TMEM178B: variants seen among roughly 807,000 people sequenced by gnomAD.
TMEM178B encodes the protein transmembrane protein 178B.
In TMEM178B, 5 loss-of-function variants were observed where a neutral mutation model predicts 31.0. That is an observed-to-expected ratio of 0.16 (90% CI 0.08 to 0.34). TMEM178B has a LOEUF of 0.34. Ranked by LOEUF, TMEM178B falls within the 10% of genes least tolerant of loss-of-function variation. TMEM178B has a pLI of 1.00. For missense variants in TMEM178B, 275 were observed against 400.3 expected, an observed-to-expected ratio of 0.69 and a Z score of 2.67; for synonymous variants, 164 against 164.0, an observed-to-expected ratio of 1.00 and a Z score of 0.00.
intron 1 of TMEM178B, among the ~76,000 whole-genome samples, chr7:141,126,065 C>T (rs1795490016): frequency 1.3e-5 from 2 of 152,138 alleles, no homozygotes; most frequent in African/African-American, 4.8e-5. Context: ...AAGACAGTTA[C>T]CAAGCGATGA....
At position 141,378,779 on chromosome 7, in the gene TMEM178B, G is replaced by A. The variant is rs545904542; in HGVS notation, c.497-58829G>A. 7.2e-5 allele frequency among the ~76,000 whole-genome samples: 11 copies of A among 152,340 alleles called. No individual in the cohort carries two copies. The South Asian group carries it at 2.1e-3, about 29-fold the overall frequency. On this transcript the variant is annotated intron_variant, in intron 2 of 3. Coordinates refer to ENST00000565468, the MANE Select transcript of TMEM178B (RefSeq NM_001195278.2). ...CCACAGAGCTTTCATTGCTACTGAA[G>A]AAGAAACTGCAAGAAAAAGGAAAGG...
chr7:141,470,805 CATATATATATATAA>C lies in TMEM178B; in HGVS notation c.*34_*47del, dbSNP rs1802226387. 5 of 1,104,442 alleles carry C rather than the reference CATATATATATATAA, an allele frequency of 4.5e-6. No individual in the cohort carries two copies. The highest frequency in any genetic ancestry group is 3.6e-5 in the South Asian group (1 of 28,016). The allele number at this position is 1,104,442 out of a possible 1,614,324, so 68.4% of individuals were successfully genotyped here. A position where few individuals can be genotyped will look rare whatever the true frequency, so the allele number is the denominator to read the frequency against. On this transcript the variant is annotated 3_prime_UTR_variant, in exon 4 of 4. Coordinates refer to ENST00000565468, the MANE Select transcript of TMEM178B (RefSeq NM_001195278.2). ...GTGCTAAAAAACAAACCCATACATA[CATATATATATATAA>C]ATATATATATATAATATACATATAT...
At chr7:141,166,102 AC>A (rs1375975986) in intron 1 of TMEM178B, among the ~76,000 whole-genome samples, 1 of 152,214 alleles carries the variant, frequency 6.6e-6, no homozygotes, top group Non-Finnish European at 1.5e-5. Context: ...GTCAAAGACA[AC>A]CAGCAGCATT....
At chr7:141,118,898 A>G (rs1430716852) in intron 1 of TMEM178B, among the ~76,000 whole-genome samples, 2 of 152,212 alleles carry the variant, frequency 1.3e-5, no homozygotes, top group East Asian at 1.9e-4. Context: ...TTTATTTTGC[A>G]TTAAAAAAAC....
intron 2 of TMEM178B, among the ~76,000 whole-genome samples, chr7:141,379,286 G>A (rs1326235352): frequency 6.7e-6 from 1 of 149,866 alleles, no homozygotes; most frequent in Non-Finnish European, 1.5e-5. Context: ...GGTCATCATA[G>A]TGAGACCCCT....
At chr7:141,507,042 A>T in the TMEM178B span, among the ~76,000 whole-genome samples, 2 of 152,140 alleles carry the variant, frequency 1.3e-5, no homozygotes, top group East Asian at 1.9e-4. Flanking sequence ...GTTACCATGG[A>T]CTTGGGCGGC....
At chr7:141,438,600 C>G (rs1388014495) in intron 3 of TMEM178B, among the ~76,000 whole-genome samples, 1 of 148,088 alleles carries the variant, frequency 6.8e-6, no homozygotes, top group East Asian at 2.0e-4. Flanking sequence ...GTGGCTCACA[C>G]CTGTAATCCC....
intron 1 of TMEM178B, among the ~76,000 whole-genome samples, chr7:141,138,909 G>C (rs1469812067): frequency 1.3e-5 from 2 of 151,928 alleles, no homozygotes; most frequent in Non-Finnish European, 1.5e-5. Context: ...GTGTGAACCC[G>C]GGAGGCAGAG....
intron 1 of TMEM178B, among the ~76,000 whole-genome samples, chr7:141,175,990 C>T (rs997836044): frequency 6.6e-6 from 1 of 152,138 alleles, no homozygotes; most frequent in African/African-American, 2.4e-5. Flanking sequence ...ACTTCTAATA[C>T]TATGTTGAAT....
At chr7:141,413,565 A>G (rs1023380371) in intron 2 of TMEM178B, among the ~76,000 whole-genome samples, 19 of 152,198 alleles carry the variant, frequency 1.2e-4, no homozygotes, top group African/African-American at 4.6e-4. Flanking sequence ...TTCTTGGGTC[A>G]TTTTCCTCTA....
chr7:141,298,923 T>C (rs1388714212), intron 2 of TMEM178B, among the ~76,000 whole-genome samples: 1 of 152,198 alleles, frequency 6.6e-6, no homozygotes, highest in Non-Finnish European at 1.5e-5. Flanking sequence ...TGACCCCTAC[T>C]CCAGCCTTCT....
intron 2 of TMEM178B, among the ~76,000 whole-genome samples, chr7:141,409,579 G>A (rs533009819): frequency 2.6e-5 from 4 of 152,180 alleles, no homozygotes; most frequent in Non-Finnish European, 5.9e-5. Context: ...ATTTTAGTTG[G>A]CATCCTTTCC....
intron 2 of TMEM178B, among the ~76,000 whole-genome samples, chr7:141,289,677 T>TGCAC (rs1345013143): frequency 2.1e-4 from 29 of 135,962 alleles, no homozygotes; most frequent in African/African-American, 7.9e-4. Context: ...ATTGAACCAC[T>TGCAC]GCACTCCAGC....
chr7:141,355,314 A>G (rs1182684948), intron 2 of TMEM178B, among the ~76,000 whole-genome samples: 1 of 152,184 alleles, frequency 6.6e-6, no homozygotes, highest in East Asian at 1.9e-4. Context: ...CTGGGGAAGA[A>G]AAACAGAGCC....
intron 2 of TMEM178B, among the ~76,000 whole-genome samples, chr7:141,328,376 C>A (rs1362610432): frequency 6.6e-6 from 1 of 152,204 alleles, no homozygotes; most frequent in African/African-American, 2.4e-5. Context: ...CTTCTCCCCA[C>A]CCTCAATCCT....
chr7:141,146,380 G>C (rs868715894), intron 1 of TMEM178B, among the ~76,000 whole-genome samples: 5 of 152,282 alleles, frequency 3.3e-5, no homozygotes, highest in African/African-American at 1.2e-4. Context: ...TTACTCTTGG[G>C]CAGGGTCTTG....
intron 2 of TMEM178B, among the ~76,000 whole-genome samples, chr7:141,429,308 T>TACACACACACACACACACAC (rs3039921): frequency 2.7e-5 from 4 of 149,736 alleles, no homozygotes; most frequent in South Asian, 4.3e-4. Flanking sequence ...GAAAATGTAA[T>TACACACACACACACACACAC]ACACACACAC....
At chr7:141,110,766 CT>C (rs1176716251) in intron 1 of TMEM178B, among the ~76,000 whole-genome samples, 3 of 152,124 alleles carry the variant, frequency 2.0e-5, no homozygotes, top group Non-Finnish European at 2.9e-5. Context: ...CCTAGTGTGG[CT>C]GTATCTGGGG....
intron 1 of TMEM178B, among the ~76,000 whole-genome samples, chr7:141,197,717 C>T (rs987966975): frequency 6.6e-5 from 10 of 152,100 alleles, no homozygotes; most frequent in African/African-American, 2.4e-4. Flanking sequence ...ACTGTAACCT[C>T]CACCTCCTGG....
Sources: gnomAD v4.1 joint callset for allele counts (sites outside exome capture counted in the v4.1 genomes callset) on GRCh38, gnomAD v4.1.1 for gene constraint, MANE v1.5 for transcripts, NCBI Gene and HGNC (gene_info 2026-07-23, HGNC 2026-07-21) for gene names.